POF1B: variants seen among roughly 807,000 people sequenced by gnomAD.
The protein encoded by POF1B is protein POF1B.
POF1B carries 53 observed loss-of-function variants against 55.3 expected under a neutral mutation model. That is an observed-to-expected ratio of 0.96 (90% confidence interval 0.77 to 1.20). The LOEUF is 1.20. Ranked by LOEUF, POF1B falls within the 50% of genes most tolerant of loss-of-function variation. The pLI is 0.00. For synonymous variants in POF1B, 188 were observed against 148.3 expected, an observed-to-expected ratio of 1.27 and a Z score of -1.95; for missense variants, 478 against 420.5, an observed-to-expected ratio of 1.14 and a Z score of -1.20.
At chrX:85,337,050 A>T (rs145467538) in intron 6 of POF1B, among the ~76,000 whole-genome samples, 3 of 111,771 alleles carry the variant, frequency 2.7e-5, no homozygotes, top group African/African-American at 9.7e-5. Flanking sequence ...TGTGGAAGAG[A>T]CTGTCCTTTT....
chrX:85,315,063 T>C (rs1932774375), intron 8 of POF1B, among the ~76,000 whole-genome samples: 1 of 111,562 alleles, frequency 9.0e-6, no homozygotes, highest in Non-Finnish European at 1.9e-5. Flanking sequence ...AAGTATTTCT[T>C]AAAGGCAATT....
chrX:85,303,798 G>T (rs977594034), intron 14 of POF1B, among the ~76,000 whole-genome samples: 1 of 111,203 alleles, frequency 9.0e-6, no homozygotes, highest in African/African-American at 3.3e-5. Context: ...TTTTTGCTCT[G>T]AAAAGCCTGA....
In POF1B at chrX:85,301,347, T is replaced by A. The variant is rs765328208; in HGVS notation, c.1649+2059A>T. 2.7e-5 allele frequency among the ~76,000 whole-genome samples: 3 copies of A among 111,943 alleles called. 1 individual carries two copies. The South Asian group carries it at 1.1e-3, about 41-fold the overall frequency. On this transcript the variant is annotated intron_variant, in intron 15 of 16. Coordinates refer to ENST00000262753, the MANE Select transcript of POF1B (RefSeq NM_024921.4). ...GGCCAGAAGGCAATGGGATGACATATTCCAAGTAACAAAAAAACACTGTCA... is the reference window on the plus strand; with the variant it reads ...GGCCAGAAGGCAATGGGATGACATAATCCAAGTAACAAAAAAACACTGTCA...
intron 7 of POF1B, among the ~76,000 whole-genome samples, chrX:85,328,168 TTTTA>T (rs200508166): frequency 0.11 from 10,837 of 100,425 alleles, 580 homozygotes; most frequent in East Asian, 0.15. Context: ...ACAATATCTT[TTTTA>T]TTTATTTATT....
intron 7 of POF1B, among the ~76,000 whole-genome samples, chrX:85,321,909 G>T (rs1003554500): frequency 2.8e-5 from 3 of 108,769 alleles, no homozygotes; most frequent in Admixed American, 2.0e-4. Flanking sequence ...CCTCTTCAAG[G>T]AGAACCACAA....
intron 6 of POF1B, among the ~76,000 whole-genome samples, chrX:85,333,292 C>G (rs935939726): frequency 5.4e-5 from 6 of 111,128 alleles, no homozygotes; most frequent in African/African-American, 2.0e-4. Flanking sequence ...TGCCAGCCAA[C>G]AAGCTAATTC....
intron 6 of POF1B, among the ~76,000 whole-genome samples, chrX:85,331,343 TTAAA>T (rs757360311): frequency 6.8e-4 from 76 of 111,593 alleles, no homozygotes; most frequent in African/African-American, 2.2e-3. Flanking sequence ...ATATAGGCAC[TTAAA>T]TAAAACAGCA....
At chrX:85,287,967 TCAAA>T (rs1403344801) in intron 15 of POF1B, among the ~76,000 whole-genome samples, 1 of 111,484 alleles carries the variant, frequency 9.0e-6, no homozygotes, top group East Asian at 2.8e-4. Context: ...TTGTAACAGA[TCAAA>T]CAAACAATAG....
chrX:85,328,709 T>A (rs1367511737), intron 7 of POF1B, among the ~76,000 whole-genome samples: 1 of 110,657 alleles, frequency 9.0e-6, no homozygotes, highest in African/African-American at 3.3e-5. Context: ...ATTCTTTAGG[T>A]CTATTTCTAA....
rs750328897 is a variant in POF1B at position 85,306,217 on chromosome X, A to C, written c.1281T>G (p.Arg427=). ...YRLKELEYCK[R]NLEQENQNLR... ...GGTTTTGATTCTCTTGCTCTAAATTACGTTTACAATATTCCAGTTCTTTTA... is the reference window on the plus strand; with the variant it reads ...GGTTTTGATTCTCTTGCTCTAAATTCCGTTTACAATATTCCAGTTCTTTTA... Residue 427 remains arginine, a synonymous_variant, in exon 12 of 17, where the codon CGT becomes CGG. Coordinates refer to ENST00000262753, the MANE Select transcript of POF1B (RefSeq NM_024921.4). The C allele has an allele frequency of 8.3e-7, 1 of 1,203,924 alleles. No homozygotes were observed. The highest frequency in any genetic ancestry group is 1.1e-6 in the Non-Finnish European group (1 of 890,091).
intron 2 of POF1B, among the ~76,000 whole-genome samples, chrX:85,374,271 T>C (rs140218188): frequency 9.9e-5 from 11 of 111,620 alleles, no homozygotes; most frequent in African/African-American, 3.6e-4. Context: ...TAGACCTTTT[T>C]GGGCATTTTC....
In POF1B at chrX:85,379,477, G is replaced by A. The variant is rs766992088; in HGVS notation, c.-23C>T. 18 of 1,201,476 alleles carry A rather than the reference G, an allele frequency of 1.5e-5. No individual in the cohort carries two copies. The highest frequency in any genetic ancestry group is 3.2e-4 in the Middle Eastern group (1 of 3,159). On this transcript the variant is annotated 5_prime_UTR_variant, in exon 2 of 17. Transcript: ENST00000262753. ...CATCTTCTTCCAGTGGTCAGCAAGG[G>A]ACCTCCCAGATGTTCTACCTAAGGA...
intron 3 of POF1B, among the ~76,000 whole-genome samples, chrX:85,361,622 A>G (rs1381293613): frequency 1.8e-5 from 2 of 111,251 alleles, no homozygotes. Context: ...GCCCTGTAGT[A>G]GTTTGAAGTT....
intron 6 of POF1B, among the ~76,000 whole-genome samples, chrX:85,344,193 T>C (rs1211511570): frequency 9.0e-6 from 1 of 111,143 alleles, no homozygotes; most frequent in Non-Finnish European, 1.9e-5. Context: ...ATAATACTCC[T>C]TGTCACATGT....
intron 9 of POF1B, 69 bp from the exon 10 acceptor site, chrX:85,308,285 T>C: frequency 7.0e-6 from 5 of 712,218 alleles, no homozygotes; most frequent in Non-Finnish European, 1.0e-5. Context: ...AGTGAAAGTT[T>C]TTTTTTTCCT....
chrX:85,304,792 T>C (rs1932534740), intron 13 of POF1B, among the ~76,000 whole-genome samples: 1 of 111,328 alleles, frequency 9.0e-6, no homozygotes, highest in Admixed American at 9.6e-5. Flanking sequence ...GAAATAGCAA[T>C]AACAAATTAC....
intron 7 of POF1B, among the ~76,000 whole-genome samples, chrX:85,328,216 A>ATTTT: frequency 1.0e-5 from 1 of 97,678 alleles, no homozygotes; most frequent in African/African-American, 3.8e-5. Flanking sequence ...TTATTTATTT[A>ATTTT]TTTTTTGAGA....
At chrX:85,310,287 A>G (rs1932667574) in intron 9 of POF1B, among the ~76,000 whole-genome samples, 1 of 112,604 alleles carries the variant, frequency 8.9e-6, no homozygotes, top group Non-Finnish European at 1.9e-5. Context: ...CATCATAAAT[A>G]CTTCAACAAG....
Position 85,308,067 on chromosome X carries a change from C to G in POF1B, c.1050+57G>C, listed in dbSNP as rs1932615271. 4 of 732,819 alleles carry G rather than the reference C, an allele frequency of 5.5e-6. No homozygotes were observed. In the South Asian group the frequency reaches 1.1e-4, roughly 21 times the overall value. The allele number at this position is 732,819 out of a possible 1,213,427, so 60.4% of individuals were successfully genotyped here. On this transcript the variant is annotated intron_variant, in intron 10 of 16. Coordinates refer to ENST00000262753, the MANE Select transcript of POF1B (RefSeq NM_024921.4). The stretch of plus-strand genomic sequence containing the variant: ...AAACATATACTGGACATCTTTATTT[C>G]TGTATTAGGAAGCTAGTAACTAGAA...
Sources: gnomAD v4.1 joint callset for allele counts (sites outside exome capture counted in the v4.1 genomes callset) on GRCh38, gnomAD v4.1.1 for gene constraint, MANE v1.5 for transcripts, NCBI Gene and HGNC (gene_info 2026-07-23, HGNC 2026-07-21) for gene names.